The following C1GALT1 variants were observed in gnomAD, a reference collection of about 807,000 sequenced individuals.
The protein encoded by C1GALT1 is glycoprotein-N-acetylgalactosamine 3-beta-galactosyltransferase 1.
In C1GALT1, 11 loss-of-function variants were observed where a neutral mutation model predicts 31.0. That is an observed-to-expected ratio of 0.36 (90% CI 0.22 to 0.59). C1GALT1 has a LOEUF of 0.59. Among genes scored for constraint, C1GALT1 ranks in the 20% least tolerant of loss-of-function variants. C1GALT1 has a pLI of 0.79. For missense variants in C1GALT1, 424 were observed against 425.2 expected, an observed-to-expected ratio of 1.00 and a Z score of 0.03; for synonymous variants, 175 against 143.6, an observed-to-expected ratio of 1.22 and a Z score of -1.56.
intron 2 of C1GALT1, among the ~76,000 whole-genome samples, chr7:7,165,721 T>G (rs900864544): frequency 2.6e-5 from 4 of 152,144 alleles, no homozygotes; most frequent in African/African-American, 9.7e-5. Context: ...ATGGTACCAG[T>G]TGAGCATCTG....
chr7:7,223,268 C>T (rs1240979130), intron 1 of C1GALT1, among the ~76,000 whole-genome samples: 1 of 152,200 alleles, frequency 6.6e-6, no homozygotes, highest in Non-Finnish European at 1.5e-5. Flanking sequence ...AAGCAATTCT[C>T]CTGCTTCAAC....
At chr7:7,169,749 G>A (rs1362452600) in intron 2 of C1GALT1, among the ~76,000 whole-genome samples, 2 of 152,080 alleles carry the variant, frequency 1.3e-5, no homozygotes, top group Non-Finnish European at 2.9e-5. Context: ...TATGTTGTTG[G>A]ATTCAGTTTG....
chr7:7,178,859 C>G (rs1391724083), upstream of C1GALT1, among the ~76,000 whole-genome samples: 11 of 152,192 alleles, frequency 7.2e-5, no homozygotes, highest in African/African-American at 2.7e-4. Flanking sequence ...AACTTAGTGG[C>G]TTAAAACAAC....
At position 7,214,796 on chromosome 7, in the gene C1GALT1, A is replaced by G. The variant is rs550048715; in HGVS notation, c.-17-19507A>G. 9.2e-5 allele frequency among the ~76,000 whole-genome samples: 14 copies of G among 152,336 alleles called. No homozygotes were observed. The South Asian group carries it at 2.9e-3, about 32-fold the overall frequency. On this transcript the variant is annotated intron_variant, in intron 1 of 3. Transcript: ENST00000436587. ...GGGTTTACATTCTCCAGTCGAAAACAAAGATGATAATAGCCACTTCCCATG... is the reference window on the plus strand; with the variant it reads ...GGGTTTACATTCTCCAGTCGAAAACGAAGATGATAATAGCCACTTCCCATG...
upstream of C1GALT1, among the ~76,000 whole-genome samples, chr7:7,177,665 A>G (rs1233913872): frequency 3.2e-4 from 49 of 152,226 alleles, no homozygotes; most frequent in Admixed American, 3.2e-3. Context: ...ACTGCTTGCT[A>G]TGAATGATGC....
upstream of C1GALT1, among the ~76,000 whole-genome samples, chr7:7,181,275 G>GAAAGGTGGAAGGATATTGCGGAA (rs1780581491): frequency 1.2e-5 from 1 of 84,372 alleles, no homozygotes; most frequent in African/African-American, 5.9e-5. Flanking sequence ...GGTGGAGGGG[G>GAAAGGTGGAAGGATATTGCGGAA]AGGAGGCTGA....
intron 1 of C1GALT1, among the ~76,000 whole-genome samples, chr7:7,185,585 C>G (rs1206158001): frequency 6.6e-6 from 1 of 152,164 alleles, no homozygotes; most frequent in East Asian, 1.9e-4. Flanking sequence ...CTATGTCACT[C>G]CAGTCTGTGA....
intron 1 of C1GALT1, among the ~76,000 whole-genome samples, chr7:7,190,003 G>C (rs1010365): frequency 0.21 from 32,432 of 151,770 alleles, 4,393 homozygotes; most frequent in African/African-American, 0.38. Flanking sequence ...TTTCCATAGA[G>C]TCTTTATTTC....
At chr7:7,176,856 T>C (rs1780510762) in intron 2 of C1GALT1, among the ~76,000 whole-genome samples, 3 of 152,162 alleles carry the variant, frequency 2.0e-5, no homozygotes, top group Admixed American at 6.5e-5. Flanking sequence ...AGGGTGGCAT[T>C]GTCAGGTATT....
intron 2 of C1GALT1, among the ~76,000 whole-genome samples, chr7:7,160,641 C>A (rs186180779): frequency 1.3e-5 from 2 of 152,188 alleles, no homozygotes; most frequent in Non-Finnish European, 2.9e-5. Context: ...CAGTTCAAGA[C>A]AGAAGTAAGG....
At chr7:7,214,314 C>A (rs1011948622) in intron 1 of C1GALT1, among the ~76,000 whole-genome samples, 1 of 151,968 alleles carries the variant, frequency 6.6e-6, no homozygotes, top group African/African-American at 2.4e-5. Context: ...TTCCATGCTA[C>A]CAGAAGTTAT....
chr7:7,207,051 T>A (rs1025631802), intron 1 of C1GALT1, among the ~76,000 whole-genome samples: 5 of 152,136 alleles, frequency 3.3e-5, no homozygotes, highest in African/African-American at 1.2e-4. Flanking sequence ...TTTTTCTCTC[T>A]CCATTACTTG....
At chr7:7,202,546 T>G (rs986214803) in intron 1 of C1GALT1, among the ~76,000 whole-genome samples, 1 of 151,172 alleles carries the variant, frequency 6.6e-6, no homozygotes, top group African/African-American at 2.5e-5. Context: ...AGTGAGATGC[T>G]TTTTTTCCTC....
chr7:7,214,941 A>G (rs1052574304), intron 1 of C1GALT1, among the ~76,000 whole-genome samples: 1 of 152,208 alleles, frequency 6.6e-6, no homozygotes, highest in Non-Finnish European at 1.5e-5. Flanking sequence ...ACTGCTCTCA[A>G]GATCAGGCTT....
Position 7,238,968 on chromosome 7 carries a change from A to G in C1GALT1, c.888+46A>G. 6.9e-7 allele frequency: 1 copy of G among 1,449,896 alleles called. No individual in the cohort carries two copies. The highest frequency in any genetic ancestry group is 9.4e-7 in the Non-Finnish European group (1 of 1,062,138). The allele number at this position is 1,449,896 out of a possible 1,614,324, so 89.8% of individuals were successfully genotyped here. A position where few individuals can be genotyped will look rare whatever the true frequency, so the allele number is the denominator to read the frequency against. ...ACTATGTCAATACTTGGACTGACTG[A>G]ATTTTGTTGATAAAAACATGTTAAT... On this transcript the variant is annotated intron_variant, in intron 3 of 3. Transcript: ENST00000436587. The surrounding 1 kb of genome is among the most constrained non-coding windows in gnomAD (Gnocchi z 5.2).
upstream of C1GALT1, among the ~76,000 whole-genome samples, chr7:7,179,995 T>C (rs1408588835): frequency 6.6e-6 from 1 of 152,202 alleles, no homozygotes; most frequent in Non-Finnish European, 1.5e-5. Flanking sequence ...CCATGACTTA[T>C]GAAAGTCTAG....
At chr7:7,200,738 C>T (rs1388973467) in intron 1 of C1GALT1, among the ~76,000 whole-genome samples, 2 of 152,140 alleles carry the variant, frequency 1.3e-5, no homozygotes, top group Non-Finnish European at 2.9e-5. Context: ...CTCTTCATTT[C>T]ATTCATTTGA....
chr7:7,175,638 G>C (rs183561309), intron 2 of C1GALT1, among the ~76,000 whole-genome samples: 10 of 152,320 alleles, frequency 6.6e-5, no homozygotes, highest in Non-Finnish European at 1.5e-4. Context: ...AAACAGAGGA[G>C]AGGATCTTGC....
chr7:7,190,131 TGTCAGC>T (rs1216923596), intron 1 of C1GALT1, among the ~76,000 whole-genome samples: 4 of 152,152 alleles, frequency 2.6e-5, no homozygotes, highest in African/African-American at 9.7e-5. Context: ...GCAGAGGAAA[TGTCAGC>T]ATTTCTAAAG....
Sources: gnomAD v4.1 joint callset for allele counts (sites outside exome capture counted in the v4.1 genomes callset) on GRCh38, gnomAD v4.1.1 for gene constraint, Gnocchi (gnomAD v3.1) non-coding constraint, MANE v1.5 for transcripts, NCBI Gene and HGNC (gene_info 2026-07-23, HGNC 2026-07-21) for gene names.